The following PTPRM variants were observed in gnomAD, a reference collection of about 807,000 sequenced individuals.
PTPRM encodes protein tyrosine phosphatase receptor type M, also known as receptor-type tyrosine-protein phosphatase mu.
In PTPRM, 47 loss-of-function variants were observed where a neutral mutation model predicts 186.7. That is an observed-to-expected ratio of 0.25 (90% CI 0.20 to 0.32). The LOEUF (loss-of-function observed/expected upper bound fraction) is 0.32. Ranked by LOEUF, PTPRM falls within the 10% of genes least tolerant of loss-of-function variation. The pLI is 1.00. For missense variants in PTPRM, 1,494 were observed against 1,865.0 expected (o/e 0.80, Z 3.66); for synonymous variants, 668 against 674.9 (o/e 0.99, Z 0.16).
At chr18:8,317,756 A>C (rs913063057) in intron 21 of PTPRM, among the ~76,000 whole-genome samples, 3 of 152,150 alleles carry the variant, frequency 2.0e-5, no homozygotes, top group African/African-American at 7.2e-5. Flanking sequence ...GTAGATAAGG[A>C]CTGAGAAATG....
At chr18:7,648,914 A>C (rs556530511) in intron 1 of PTPRM, among the ~76,000 whole-genome samples, 1 of 152,328 alleles carries the variant, frequency 6.6e-6, no homozygotes, top group African/African-American at 2.4e-5. Context: ...CAGTGAAGAT[A>C]AATTAGCCTT....
chr18:8,163,572 T>C (rs2093269570), intron 14 of PTPRM, among the ~76,000 whole-genome samples: 2 of 152,240 alleles, frequency 1.3e-5, no homozygotes, highest in Admixed American at 6.5e-5. Flanking sequence ...TAAATGTTCT[T>C]ATCCTGTGTA....
At chr18:8,180,802 G>A (rs1307968489) in intron 14 of PTPRM, among the ~76,000 whole-genome samples, 3 of 152,172 alleles carry the variant, frequency 2.0e-5, no homozygotes, top group Non-Finnish European at 4.4e-5. Flanking sequence ...GGAAGCTGCT[G>A]ATCACCAGTT....
At chr18:7,827,205 G>T (rs2045531386) in intron 2 of PTPRM, among the ~76,000 whole-genome samples, 1 of 152,130 alleles carries the variant, frequency 6.6e-6, no homozygotes, top group African/African-American at 2.4e-5. Flanking sequence ...TGTTAATACA[G>T]GTATAAAGAA....
At chr18:7,958,207 C>CAA (rs534178363) in intron 7 of PTPRM, among the ~76,000 whole-genome samples, 10,885 of 115,080 alleles carry the variant, frequency 0.095, 675 homozygotes, top group East Asian at 0.24. Flanking sequence ...CCATCCCCTG[C>CAA]AAAAAAAAAA....
chr18:8,125,987 A>C (rs1257615766), intron 13 of PTPRM, among the ~76,000 whole-genome samples: 1 of 5,474 alleles, frequency 1.8e-4, no homozygotes, highest in East Asian at 3.8e-3. Flanking sequence ...ATATATATAT[A>C]TATATATATA....
chr18:7,865,012 G>T (rs1352350887), intron 2 of PTPRM, among the ~76,000 whole-genome samples: 1 of 152,158 alleles, frequency 6.6e-6, no homozygotes, highest in African/African-American at 2.4e-5. Flanking sequence ...TATTATTGGT[G>T]CATAGGAATG....
chr18:8,305,783 GTTTTCAGTTCTGCCC>G (rs2095215008), intron 20 of PTPRM, among the ~76,000 whole-genome samples: 1 of 152,148 alleles, frequency 6.6e-6, no homozygotes, highest in Non-Finnish European at 1.5e-5. Context: ...GCTGCTTCCA[GTTTTCAGTTCTGCCC>G]TGCTCTGCTG....
intron 14 of PTPRM, among the ~76,000 whole-genome samples, chr18:8,232,953 G>A (rs1213547086): frequency 6.6e-6 from 1 of 152,144 alleles, no homozygotes; most frequent in African/African-American, 2.4e-5. Flanking sequence ...CGGCCATTTG[G>A]TTCACAGCAG....
intron 2 of PTPRM, among the ~76,000 whole-genome samples, chr18:7,819,268 C>T (rs2045032475): frequency 9.5e-6 from 1 of 105,128 alleles, no homozygotes; most frequent in African/African-American, 2.9e-5. Flanking sequence ...ACCACCCTGG[C>T]CTGCCATGCC....
At chr18:8,196,930 A>T (rs1241626305) in intron 14 of PTPRM, among the ~76,000 whole-genome samples, 1 of 152,230 alleles carries the variant, frequency 6.6e-6, no homozygotes, top group Non-Finnish European at 1.5e-5. Flanking sequence ...TGAAGGCATC[A>T]AACAGGCAAA....
At chr18:7,988,695 C>G (rs1381672273) in intron 7 of PTPRM, among the ~76,000 whole-genome samples, 1 of 152,114 alleles carries the variant, frequency 6.6e-6, no homozygotes. Context: ...TTTCAACAAG[C>G]ATGATATTTT....
intron 14 of PTPRM, among the ~76,000 whole-genome samples, chr18:8,228,881 C>T (rs1382593265): frequency 1.3e-5 from 2 of 151,790 alleles, no homozygotes; most frequent in Non-Finnish European, 2.9e-5. Context: ...AAGAAAAATT[C>T]AGAAATTAAA....
intron 1 of PTPRM, among the ~76,000 whole-genome samples, chr18:7,633,702 T>C (rs532375165): frequency 6.6e-6 from 1 of 152,282 alleles, no homozygotes; most frequent in South Asian, 2.1e-4. Flanking sequence ...CAAATGCTCT[T>C]CCTGCATCCT....
Position 8,174,482 on chromosome 18 carries a change from A to G in PTPRM, c.2300+30703A>G, listed in dbSNP as rs80066855. On this transcript the variant is annotated intron_variant, in intron 14 of 32. Transcript: ENST00000580170. ...AGACATATGGGTTTGAGGTTTTACA[A>G]TGTAAGAATTGTAATATATTATAGT... is the stretch of plus-strand genomic sequence containing the variant. Among the ~76,000 whole-genome samples the G allele has an allele frequency of 5.0e-3, 768 of 152,298 alleles. 9 individuals are homozygous for G. The highest frequency in any genetic ancestry group is 0.017 in the African/African-American group (718 of 41,546).
intron 1 of PTPRM, among the ~76,000 whole-genome samples, chr18:7,758,218 C>A (rs1052710179): frequency 1.5e-4 from 23 of 152,128 alleles, no homozygotes; most frequent in African/African-American, 5.3e-4. Context: ...CGCATTTGTC[C>A]TAGGGAGGAG....
intron 13 of PTPRM, among the ~76,000 whole-genome samples, chr18:8,141,742 A>G (rs1036289913): frequency 4.0e-5 from 6 of 148,766 alleles, no homozygotes; most frequent in Non-Finnish European, 8.9e-5. Flanking sequence ...AGAGCCAGCT[A>G]TCTATAACTA....
chr18:8,148,859 C>A (rs936927747), intron 14 of PTPRM, among the ~76,000 whole-genome samples: 3 of 152,118 alleles, frequency 2.0e-5, no homozygotes, highest in South Asian at 4.1e-4. Flanking sequence ...TGTCTTCATT[C>A]TCATTGGTTT....
chr18:8,108,603 C>T (rs2091625399), intron 11 of PTPRM, among the ~76,000 whole-genome samples: 1 of 152,166 alleles, frequency 6.6e-6, no homozygotes, highest in Admixed American at 6.5e-5. Flanking sequence ...ACTTTCAAGT[C>T]TAAAAAAGTA....
Sources: allele counts gnomAD v4.1 joint callset (sites outside exome capture counted in the v4.1 genomes callset), GRCh38; gene constraint gnomAD v4.1.1; transcripts MANE v1.5; gene names NCBI Gene and HGNC (gene_info 2026-07-23, HGNC 2026-07-21).